FANK1: variants seen among roughly 807,000 people sequenced by gnomAD.
FANK1 encodes the protein fibronectin type III and ankyrin repeat domains 1.
Under a neutral mutation model 45.3 loss-of-function variants are expected in FANK1, and 44 were observed. The observed-to-expected ratio is 0.97, with a 90% CI of 0.76 to 1.25. The LOEUF (loss-of-function observed/expected upper bound fraction) is 1.25, where lower values mean the gene tolerates loss of function less well. Ranked by LOEUF, FANK1 falls within the 50% of genes most tolerant of loss-of-function variation. FANK1 has a pLI of 0.00. For missense variants in FANK1, 391 were observed against 424.4 expected (o/e 0.92, Z 0.69); for synonymous variants, 149 against 152.5 (o/e 0.98, Z 0.17).
At chr10:125,953,976 G>T (rs114231687) in intron 1 of FANK1, among the ~76,000 whole-genome samples, 1 of 150,838 alleles carries the variant, frequency 6.6e-6, no homozygotes, top group South Asian at 2.1e-4. Context: ...TTCTGCAGAA[G>T]GGTGCTGCTC....
rs765283152 is a variant in FANK1 at position 126,004,934 on chromosome 10, G to A, written c.590G>A (p.Arg197Gln). ...CACCTAGATGTTGTGAAATATCTCC[G>A]AAGACATGGCGCTTCTTGGCAGGCT... is the stretch of plus-strand genomic sequence containing the variant. ...AGHLDVVKYL[R>Q]RHGASWQARD... The change falls in exon 7 of 11, where the codon CGA (arginine) becomes CAA (glutamine). Residue 197 changes from arginine to glutamine, a missense_variant. By Grantham distance (43) the Arg-to-Gln change is conservative (BLOSUM62 1). Transcript: ENST00000368693. The A allele has an allele frequency of 2.5e-5, 40 of 1,614,026 alleles. No homozygotes were observed. The highest frequency in any genetic ancestry group is 4.5e-5 in the East Asian group (2 of 44,880).
At chr10:125,997,284 G>C (rs1265749234) in intron 5 of FANK1, 136 bp from the exon 6 acceptor site, 2 of 540,772 alleles carry the variant, frequency 3.7e-6, no homozygotes, top group Non-Finnish European at 6.3e-6. Flanking sequence ...TTTAAAACCA[G>C]CTGGCTTCTG....
chr10:125,990,356 TGCACTCTCCA>T (rs1291656558), intron 3 of FANK1, among the ~76,000 whole-genome samples: 1 of 152,112 alleles, frequency 6.6e-6, no homozygotes, highest in African/African-American at 2.4e-5. Context: ...GTGGCACCAC[TGCACTCTCCA>T]GCCTGGGCAA....
chr10:125,970,913 G>A (rs566654895), intron 1 of FANK1, among the ~76,000 whole-genome samples: 3 of 152,256 alleles, frequency 2.0e-5, no homozygotes, highest in Admixed American at 2.0e-4. Flanking sequence ...TGTCACCTTA[G>A]GAAAGATGTG....
chr10:126,007,386 A>G (rs1004281373), intron 7 of FANK1, among the ~76,000 whole-genome samples: 1 of 152,232 alleles, frequency 6.6e-6, no homozygotes, highest in Non-Finnish European at 1.5e-5. Flanking sequence ...AAAGCTGTGT[A>G]AAGCATCATG....
intron 6 of FANK1, among the ~76,000 whole-genome samples, chr10:126,001,747 T>C (rs940565823): frequency 6.6e-6 from 1 of 152,056 alleles, no homozygotes; most frequent in African/African-American, 2.4e-5. Context: ...TGGGAGGTGG[T>C]AAGTTCAGGG....
chr10:125,941,320 C>T (rs570607370), intron 1 of FANK1, among the ~76,000 whole-genome samples: 19 of 152,206 alleles, frequency 1.2e-4, no homozygotes, highest in South Asian at 4.1e-4. Context: ...AATAAAATCA[C>T]GGGAAGGCAT....
chr10:125,962,738 A>G (rs996638892), intron 1 of FANK1, among the ~76,000 whole-genome samples: 1 of 152,092 alleles, frequency 6.6e-6, no homozygotes, highest in Non-Finnish European at 1.5e-5. Flanking sequence ...ATTGTGTCAT[A>G]GATGTCATTT....
intron 1 of FANK1, among the ~76,000 whole-genome samples, chr10:125,950,828 G>T (rs1441988434): frequency 1.4e-5 from 2 of 146,692 alleles, no homozygotes; most frequent in Non-Finnish European, 3.0e-5. Context: ...CAATTGCAAA[G>T]ACTTGGAACC....
intron 1 of FANK1, among the ~76,000 whole-genome samples, chr10:125,946,059 A>G (rs1267266167): frequency 1.3e-5 from 2 of 152,136 alleles, no homozygotes; most frequent in Admixed American, 6.5e-5. Context: ...TGTCTGTTAG[A>G]AGGAAAACTA....
In FANK1 at chr10:126,009,413, G is replaced by T. The variant is rs1412466007; in HGVS notation, c.1013G>T (p.Arg338Met). ...SLLEERKKKQ[R>M]PKKSCVC is the part of the protein sequence containing the mutation. ...TTAGAAGAAAGGAAAAAAAAGCAGA[G>T]GCCAAAGAAGTCTTGTGTCTGCTGA... Residue 338 changes from arginine to methionine, a missense_variant, in exon 11 of 11, where the codon AGG (arginine) becomes ATG (methionine). Arg to Met is a moderately conservative substitution (Grantham distance 91, BLOSUM62 -1). Transcript: ENST00000368693. 1.2e-6 allele frequency: 2 copies of T among 1,614,084 alleles called. No homozygotes were observed. Among genetic ancestry groups the T allele is most frequent in the South Asian group, 2.2e-5 (2 of 91,058 alleles).
Position 125,912,443 on chromosome 10 carries a change from A to AGTGTGTGTGT in FANK1, c.13+15823_13+15832dup, listed in dbSNP as rs60956003. ...GTTTCCTTTTTATTGGCACCACCAA[A>AGTGTGTGTGT]GTGTGTGTGTGTGTGTGTGTGTGTG... On this transcript the variant is annotated intron_variant, in intron 1 of 10. Coordinates refer to ENST00000368693, the MANE Select transcript of FANK1 (RefSeq NM_145235.5). Among the ~76,000 whole-genome samples the AGTGTGTGTGT allele has an allele frequency of 1.0e-3, 148 of 147,292 alleles. 1 individual carries two copies. Among genetic ancestry groups the AGTGTGTGTGT allele is most frequent in the African/African-American group, 3.6e-3 (142 of 39,950 alleles).
At chr10:125,908,604 G>T (rs549072872) in intron 1 of FANK1, among the ~76,000 whole-genome samples, 1 of 152,208 alleles carries the variant, frequency 6.6e-6, no homozygotes, top group East Asian at 1.9e-4. Flanking sequence ...CAGGGGAAAG[G>T]GTGGGAGGGG....
intron 6 of FANK1, among the ~76,000 whole-genome samples, chr10:125,998,933 A>G (rs1444202613): frequency 6.6e-6 from 1 of 152,208 alleles, no homozygotes; most frequent in Non-Finnish European, 1.5e-5. Flanking sequence ...GGGCTTTTCC[A>G]GAGCAGAGAG....
At chr10:125,999,198 C>CTT (rs34338283) in intron 6 of FANK1, among the ~76,000 whole-genome samples, 4 of 124,468 alleles carry the variant, frequency 3.2e-5, no homozygotes, top group African/African-American at 1.2e-4. Flanking sequence ...TAAAAAGTAT[C>CTT]TTTTTTTTTT....
chr10:125,908,975 T>C (rs954899069), intron 1 of FANK1, among the ~76,000 whole-genome samples: 12 of 152,282 alleles, frequency 7.9e-5, no homozygotes, highest in African/African-American at 2.9e-4. Flanking sequence ...TCTTGGTCAA[T>C]ATGTTGATTA....
chr10:125,969,757 G>A (rs1295965188), intron 1 of FANK1, among the ~76,000 whole-genome samples: 6 of 152,126 alleles, frequency 3.9e-5, no homozygotes, highest in Admixed American at 3.9e-4. Flanking sequence ...GGTTTTCCTA[G>A]GCAGAGGACC....
intron 3 of FANK1, among the ~76,000 whole-genome samples, chr10:125,992,383 T>C (rs1952007847): frequency 6.6e-6 from 1 of 152,046 alleles, no homozygotes; most frequent in Non-Finnish European, 1.5e-5. Flanking sequence ...TCCCTCTTGG[T>C]AGTAGCGTGA....
rs1413160955 is a variant in FANK1, at chr10:125,997,514, GC to G, written c.539+30del. The G allele has an allele frequency of 1.9e-6, 3 of 1,600,810 alleles. No homozygotes were observed. The East Asian group carries it at 6.7e-5, about 36-fold the overall frequency. On this transcript the variant is annotated intron_variant, in intron 6 of 10. Transcript: ENST00000368693. ...GGAGGTGGGATATGACTGAAATTGT[GC>G]TGATGTTCTCAGAATTGTGTTGCTA...
Sources: allele counts gnomAD v4.1 joint callset (sites outside exome capture counted in the v4.1 genomes callset), GRCh38; gene constraint gnomAD v4.1.1; transcripts MANE v1.5; gene names NCBI Gene and HGNC (gene_info 2026-07-23, HGNC 2026-07-21).